The following POLH variants were observed in gnomAD, a reference collection of about 807,000 sequenced individuals.
The protein encoded by POLH is DNA polymerase eta transcript.
A neutral mutation model predicts 73.6 loss-of-function variants in POLH; 53 were observed. The ratio of observed to expected loss-of-function variants is 0.72; its 90% confidence interval spans 0.58 to 0.91. The LOEUF is 0.91. Among genes scored for constraint, POLH ranks in the 40% least tolerant of loss-of-function variants. POLH has a pLI of 0.00. For missense variants in POLH, 768 were observed against 865.4 expected, an observed-to-expected ratio of 0.89 and a Z score of 1.41; for synonymous variants, 292 against 308.5, an observed-to-expected ratio of 0.95 and a Z score of 0.56.
intron 9 of POLH, 30 bp from the exon 10 acceptor site, chr6:43,610,524 A>T: frequency 6.2e-7 from 1 of 1,603,086 alleles, no homozygotes; most frequent in Non-Finnish European, 8.5e-7. Flanking sequence ...TCATAACTTT[A>T]TTTCTGGTCT....
In POLH at chr6:43,610,722, T is replaced by C. The variant is rs1174227211; in HGVS notation, c.1243T>C (p.Trp415Arg). Residue 415 changes from tryptophan to arginine, a missense_variant and splice_region_variant, in exon 10 of 11, where the codon TGG becomes CGG. By Grantham distance (101) the Trp-to-Arg change is moderately radical. Transcript: ENST00000372236. ...NCNTSGIQTEWSPPLTMLFLC... is the reference protein window; with the variant it reads ...NCNTSGIQTERSPPLTMLFLC... ...TAATACTTCTGGAATCCAGACAGAA[T>C]GGTGAGTTCTTTTCTAGCTCATCTT... 3 of 1,609,592 alleles carry C rather than the reference T, an allele frequency of 1.9e-6. No individual in the cohort carries two copies. The highest frequency in any genetic ancestry group is 2.5e-6 in the Non-Finnish European group (3 of 1,177,450).
chr6:43,601,243 C>A, intron 6 of POLH, 152 bp downstream of exon 6: 1 of 662,816 alleles, frequency 1.5e-6, no homozygotes, highest in Non-Finnish European at 2.7e-6. Context: ...TTTTGAAACA[C>A]ACGCTGAGAC....
In POLH at chr6:43,619,324, C is replaced by T. The variant is rs563377707; in HGVS notation, c.*4767C>T. Among the ~76,000 whole-genome samples the T allele has an allele frequency of 1.2e-4, 17 of 140,316 alleles. No individual in the cohort carries two copies. Among genetic ancestry groups the T allele is most frequent in the South Asian group, 1.2e-3 (5 of 4,236 alleles). 92.1% of individuals were successfully genotyped at this position (140,316 alleles called of 152,430 possible). A position where few individuals can be genotyped will look rare whatever the true frequency, so the allele number is the denominator to read the frequency against. ...GGGCTGCAATAAGCCATGATTGTGC[C>T]GCTGCACTCCAGCCTGGGTGACAGT... On this transcript the variant is annotated 3_prime_UTR_variant, in exon 11 of 11. Transcript: ENST00000372236.
chr6:43,581,484 G>A (rs1329167847), intron 1 of POLH, among the ~76,000 whole-genome samples: 1 of 147,780 alleles, frequency 6.8e-6, no homozygotes, highest in Non-Finnish European at 1.5e-5. Flanking sequence ...TCACTTCCCA[G>A]ACGGGGTGGC....
chr6:43,604,552 GGTTTT>G (rs1287969209), intron 7 of POLH, 58 bp from the exon 8 acceptor site: 17 of 1,538,232 alleles, frequency 1.1e-5, no homozygotes, highest in South Asian at 5.6e-5. Flanking sequence ...ATAGTTATTT[GGTTTT>G]GTTTTAACAA....
chr6:43,611,712 T>G (rs1022623148), intron 10 of POLH, among the ~76,000 whole-genome samples: 7 of 152,136 alleles, frequency 4.6e-5, no homozygotes, highest in African/African-American at 1.7e-4. Context: ...CTAAATATAT[T>G]GGCAGTATAA....
intron 4 of POLH, chr6:43,591,115 T>C (rs1303199928): frequency 6.6e-6 from 1 of 152,252 alleles, no homozygotes; most frequent in East Asian, 1.9e-4. Context: ...AGCTAGAGGC[T>C]GCAGATCCTT....
rs764294319 is a variant in POLH, at chr6:43,601,027, C to T, written c.700C>T (p.Arg234Cys). 1.2e-5 allele frequency: 19 copies of T among 1,614,038 alleles called. No individual in the cohort carries two copies. The highest frequency in any genetic ancestry group is 6.7e-5 in the East Asian group (3 of 44,900). Reference protein sequence around the residue: ...KLACGLNKPNRQTLVSHGSVP... With the variant: ...KLACGLNKPNCQTLVSHGSVP... ...GGCCTGTGGACTAAACAAGCCCAACCGCCAAACCCTGGTTTCACATGGGTC... is the reference window on the plus strand; with the variant it reads ...GGCCTGTGGACTAAACAAGCCCAACTGCCAAACCCTGGTTTCACATGGGTC... Residue 234 changes from arginine (R) to cysteine (C), a missense_variant, in exon 6 of 11, where the codon CGC becomes TGC. Coordinates refer to ENST00000372236, the MANE Select transcript of POLH (RefSeq NM_006502.3).
chr6:43,603,833 T>G, intron 6 of POLH, 59 bp from the exon 7 acceptor site: 1 of 1,573,872 alleles, frequency 6.4e-7, no homozygotes, highest in South Asian at 1.1e-5. Flanking sequence ...GTCTTACGTT[T>G]GCTGCTAATT....
intron 10 of POLH, among the ~76,000 whole-genome samples, chr6:43,611,402 G>C (rs1767867265): frequency 6.6e-6 from 1 of 152,172 alleles, no homozygotes; most frequent in South Asian, 2.1e-4. Context: ...TCCCAACTCA[G>C]TTACAAGCTC....
At chr6:43,580,871 G>T (rs1764046021) in intron 1 of POLH, among the ~76,000 whole-genome samples, 1 of 149,778 alleles carries the variant, frequency 6.7e-6, no homozygotes, top group African/African-American at 2.5e-5. Context: ...TCCCAGACGG[G>T]GCGGCTGGCC....
At chr6:43,576,778 A>C (rs1316961810) in intron 1 of POLH, among the ~76,000 whole-genome samples, 1 of 152,226 alleles carries the variant, frequency 6.6e-6, no homozygotes, top group Non-Finnish European at 1.5e-5. Context: ...TAATTGGCCA[A>C]GTGCTATGTA....
chr6:43,582,482 C>G, intron 2 of POLH, 26 bp downstream of exon 2: 1 of 1,608,724 alleles, frequency 6.2e-7, no homozygotes, highest in South Asian at 1.1e-5. Context: ...ATTGTCACAA[C>G]TATTCAATGG....
In POLH at chr6:43,587,272, G is replaced by C. The variant is rs1468819376; in HGVS notation, c.273G>C (p.Lys91Asn). The part of the protein sequence containing the change: ...RESRGKANLT[K>N]YREASVEVME... Reference sequence around the variant, plus strand: ...CATGAATGATCCTTATACTTCTTAGGTACCGGGAAGCCAGTGTTGAAGTGA... The same window carrying C: ...CATGAATGATCCTTATACTTCTTAGCTACCGGGAAGCCAGTGTTGAAGTGA... Residue 91 changes from lysine to asparagine, a missense_variant and splice_region_variant, in exon 4 of 11, where the codon AAG becomes AAC. Lys to Asn is a moderately conservative substitution (Grantham distance 94, BLOSUM62 0). Coordinates refer to ENST00000372236, the MANE Select transcript of POLH (RefSeq NM_006502.3). The C allele has an allele frequency of 6.2e-7, 1 of 1,612,464 alleles. No homozygotes were observed. Among genetic ancestry groups the C allele is most frequent in the Admixed American group, 1.7e-5 (1 of 60,016 alleles).
intron 4 of POLH, among the ~76,000 whole-genome samples, chr6:43,590,357 TAA>T (rs113382332): frequency 7.4e-6 from 1 of 134,526 alleles, no homozygotes; most frequent in African/African-American, 2.7e-5. Context: ...GACTCCATCT[TAA>T]AAAAAAAAAA....
At position 43,597,118 on chromosome 6, in the gene POLH, T is replaced by A. The variant is rs188626953; in HGVS notation, c.491-578T>A. 1.9e-4 allele frequency among the ~76,000 whole-genome samples: 29 copies of A among 152,270 alleles called. No individual in the cohort carries two copies. In the East Asian group the frequency reaches 3.1e-3, roughly 16 times the overall value. On this transcript the variant is annotated intron_variant, in intron 4 of 10. Coordinates refer to ENST00000372236, the MANE Select transcript of POLH (RefSeq NM_006502.3). ...TAAATGTGTTTACATTATTTTTTTTTATTTTTATTATTTTTGAGATGAAGT... is the reference window on the plus strand; with the variant it reads ...TAAATGTGTTTACATTATTTTTTTTAATTTTTATTATTTTTGAGATGAAGT...
intron 4 of POLH, 90 bp downstream of exon 4, chr6:43,587,579 G>A (rs1371564213): frequency 6.6e-6 from 6 of 915,216 alleles, no homozygotes; most frequent in African/African-American, 1.6e-5. Context: ...TAATTGAAAG[G>A]AAACTTAAAC....
rs369844648 is a variant in POLH at position 43,597,778 on chromosome 6, C to T, written c.573C>T (p.Thr191=). Residue 191 remains threonine (T), a synonymous_variant, in exon 5 of 11, where the codon ACC becomes ACT. Transcript: ENST00000372236. ...TCACCTCTCCAGACCTGCAGCTCAC[C>T]GTGGGAGCAGTGATTGTGGAGGAAA... ...DNLTSPDLQL[T]VGAVIVEEMR... is the part of the protein sequence containing the mutation. The T allele has an allele frequency of 1.4e-5, 23 of 1,613,322 alleles. No individual in the cohort carries two copies. The highest frequency in any genetic ancestry group is 5.3e-5 in the African/African-American group (4 of 74,862).
chr6:43,614,757 A>G lies in POLH; in HGVS notation c.*200A>G. 1 of 559,542 alleles carries G rather than the reference A, an allele frequency of 1.8e-6. No individual in the cohort carries two copies. The highest frequency in any genetic ancestry group is 3.1e-6 in the Non-Finnish European group (1 of 322,492). 34.7% of individuals were successfully genotyped at this position (559,542 alleles called of 1,614,324 possible). A position where few individuals can be genotyped will look rare whatever the true frequency, so the allele number is the denominator to read the frequency against. On this transcript the variant is annotated 3_prime_UTR_variant, in exon 11 of 11. Coordinates refer to ENST00000372236, the MANE Select transcript of POLH (RefSeq NM_006502.3). ...TAATCCCACTGCTGACAGAGATGTAAAAATTCATCCTACCAGAGTTTTTAA... is the reference window on the plus strand; with the variant it reads ...TAATCCCACTGCTGACAGAGATGTAGAAATTCATCCTACCAGAGTTTTTAA...
Sources: gnomAD v4.1 joint callset for allele counts (sites outside exome capture counted in the v4.1 genomes callset) on GRCh38, gnomAD v4.1.1 for gene constraint, MANE v1.5 for transcripts, NCBI Gene and HGNC (gene_info 2026-07-23, HGNC 2026-07-21) for gene names.